Variants in NAV3 observed in about 807,000 individuals in gnomAD.
NAV3 encodes the protein neuron navigator 3.
A neutral mutation model predicts 244.7 loss-of-function variants in NAV3; 87 were observed. The ratio of observed to expected loss-of-function variants is 0.36; its 90% CI spans 0.30 to 0.42. The LOEUF (loss-of-function observed/expected upper bound fraction) is 0.42. Among genes scored for constraint, NAV3 ranks in the 20% least tolerant of loss-of-function variants. The pLI, the probability that NAV3 is intolerant of heterozygous loss-of-function variation, is 1.00. For missense variants in NAV3, 2,663 were observed against 2,893.3 expected, an observed-to-expected ratio of 0.92 and a Z score of 1.83; for synonymous variants, 1,126 against 1,042.2, an observed-to-expected ratio of 1.08 and a Z score of -1.55.
chr12:77,982,603 T>C (rs562728833), intron 5 of NAV3, among the ~76,000 whole-genome samples: 5 of 152,296 alleles, frequency 3.3e-5, no homozygotes, highest in African/African-American at 9.6e-5. Context: ...TCTGGGTATC[T>C]ATTGCTGCTT....
At chr12:78,021,602 T>C (rs1296383693) in intron 8 of NAV3, 145 bp from the exon 9 acceptor site, 7 of 535,118 alleles carry the variant, frequency 1.3e-5, no homozygotes, top group Non-Finnish European at 2.0e-5. Context: ...CTCCTATACA[T>C]AGACAGCTCT....
intron 1 of NAV3, among the ~76,000 whole-genome samples, chr12:77,933,215 A>G (rs1317687841): frequency 6.6e-6 from 1 of 152,140 alleles, no homozygotes; most frequent in Non-Finnish European, 1.5e-5. Flanking sequence ...CACTATCTGT[A>G]GTGTATAGAA....
At chr12:78,208,969 CAG>C (rs1318064046) in intron 39 of NAV3, among the ~76,000 whole-genome samples, 3 of 151,664 alleles carry the variant, frequency 2.0e-5, no homozygotes, top group Admixed American at 6.6e-5. Flanking sequence ...GTGTGGGTGA[CAG>C]AGAAAGAGAG....
At chr12:77,635,879 A>G (rs1872132065) in intron 2 of NAV3, among the ~76,000 whole-genome samples, 1 of 152,226 alleles carries the variant, frequency 6.6e-6, no homozygotes, top group African/African-American at 2.4e-5. Context: ...TAACAGAGTT[A>G]ATATAAAGCA....
intron 2 of NAV3, among the ~76,000 whole-genome samples, chr12:77,720,496 C>T (rs1191536525): frequency 6.6e-6 from 1 of 152,120 alleles, no homozygotes; most frequent in African/African-American, 2.4e-5. Flanking sequence ...TACAGGTTCT[C>T]TGCAGCTGCC....
intron 15 of NAV3, 75 bp from the exon 16 acceptor site, chr12:78,121,865 T>G (rs2138674022): frequency 6.4e-7 from 1 of 1,565,324 alleles, no homozygotes; most frequent in Non-Finnish European, 8.7e-7. Context: ...TGGCTCTGTG[T>G]ACTGTAACCC....
At chr12:78,036,725 C>G in intron 9 of NAV3, 1 of 588,890 alleles carries the variant, frequency 1.7e-6, no homozygotes, top group Non-Finnish European at 3.0e-6. Flanking sequence ...TACTATATCT[C>G]TAGAATCTTC....
intron 2 of NAV3, among the ~76,000 whole-genome samples, chr12:77,729,222 G>A (rs1157911088): frequency 6.6e-6 from 1 of 152,002 alleles, no homozygotes; most frequent in Non-Finnish European, 1.5e-5. Context: ...CAAGGATCAA[G>A]TGTATATTGA....
chr12:78,143,546 G>A (rs958882714), intron 20 of NAV3: 13 of 261,304 alleles, frequency 5.0e-5, no homozygotes, highest in Admixed American at 1.1e-4. Flanking sequence ...CAGGAGAATC[G>A]CCTGAACCTG....
chr12:78,093,712 T>C (rs984391116), intron 12 of NAV3, among the ~76,000 whole-genome samples: 2 of 152,184 alleles, frequency 1.3e-5, no homozygotes, highest in Non-Finnish European at 2.9e-5. Context: ...TATACAAACT[T>C]ATTTACCAAG....
chr12:78,099,704 C>T (rs549617991), intron 12 of NAV3, among the ~76,000 whole-genome samples: 26 of 151,838 alleles, frequency 1.7e-4, no homozygotes, highest in Admixed American at 1.7e-3. Context: ...AATTAAACTA[C>T]CAAAACCAAC....
At chr12:78,073,234 A>T (rs1952870666) in intron 12 of NAV3, among the ~76,000 whole-genome samples, 1 of 134,632 alleles carries the variant, frequency 7.4e-6, no homozygotes, top group South Asian at 2.8e-4. Flanking sequence ...TTAGGAAAAG[A>T]GGAAGTCAAA....
chr12:77,670,413 G>A (rs996030320), intron 2 of NAV3, among the ~76,000 whole-genome samples: 3 of 152,020 alleles, frequency 2.0e-5, no homozygotes, highest in East Asian at 1.9e-4. Context: ...ACAAGATAAA[G>A]TGGGAATCCT....
intron 2 of NAV3, among the ~76,000 whole-genome samples, chr12:77,775,424 TTTTGGCTCTTTAAGCTGTATC>T (rs1359929113): frequency 6.6e-6 from 1 of 152,188 alleles, no homozygotes; most frequent in East Asian, 1.9e-4. Context: ...GTGTGTCATT[TTTTGGCTCTTTAAGCTGTATC>T]TTGCAAAACT....
chr12:78,100,372 C>A (rs1375293569), intron 12 of NAV3, among the ~76,000 whole-genome samples: 1 of 151,804 alleles, frequency 6.6e-6, no homozygotes, highest in African/African-American at 2.4e-5. Flanking sequence ...CCACACTTTC[C>A]CCAAAATTGT....
At chr12:77,654,249 C>A (rs1185237404) in intron 2 of NAV3, among the ~76,000 whole-genome samples, 1 of 152,156 alleles carries the variant, frequency 6.6e-6, no homozygotes, top group African/African-American at 2.4e-5. Context: ...TCACTCCCAC[C>A]CAAATACTGC....
chr12:78,134,877 G>C (rs1374924954), intron 18 of NAV3, among the ~76,000 whole-genome samples: 1 of 152,206 alleles, frequency 6.6e-6, no homozygotes, highest in African/African-American at 2.4e-5. Context: ...TGCCAAGATA[G>C]TGGCTTGGCT....
intron 2 of NAV3, among the ~76,000 whole-genome samples, chr12:77,585,821 A>G (rs550563863): frequency 2.6e-5 from 4 of 152,304 alleles, no homozygotes; most frequent in Middle Eastern, 3.4e-3. Context: ...TATGATGTCA[A>G]TAGGCTTTTC....
At chr12:77,962,810 C>T (rs903095615) in intron 3 of NAV3, among the ~76,000 whole-genome samples, 1 of 152,130 alleles carries the variant, frequency 6.6e-6, no homozygotes, top group Non-Finnish European at 1.5e-5. Flanking sequence ...GGAAGCATCA[C>T]AGTAACCTGA....
Sources: gnomAD v4.1 joint callset for allele counts (sites outside exome capture counted in the v4.1 genomes callset) on GRCh38, gnomAD v4.1.1 for gene constraint, MANE v1.5 for transcripts, NCBI Gene and HGNC (gene_info 2026-07-23, HGNC 2026-07-21) for gene names.